The following TBC1D32 variants were observed in gnomAD, a reference collection of about 807,000 sequenced individuals.
TBC1D32 encodes TBC1 domain family member 32.
TBC1D32 carries 151 observed loss-of-function variants against 170.3 expected under a neutral mutation model. The ratio of observed to expected loss-of-function variants is 0.89; its 90% confidence interval spans 0.78 to 1.01. The LOEUF (loss-of-function observed/expected upper bound fraction) is 1.01. Ranked by LOEUF, TBC1D32 falls within the 50% of genes least tolerant of loss-of-function variation. The pLI is 0.00. For synonymous variants in TBC1D32, 498 were observed against 488.0 expected (o/e 1.02, Z -0.27); for missense variants, 1,464 against 1,457.1 (o/e 1.00, Z -0.08).
At position 121,183,771 on chromosome 6, in the gene TBC1D32, G is replaced by T. The variant is rs115517799; in HGVS notation, c.2570+21304C>A. ...GAACTGTATGTATACCCATTGGAAAGAAAAAAACATAGTACAAGACGTCAA... is the reference window on the plus strand; with the variant it reads ...GAACTGTATGTATACCCATTGGAAATAAAAAAACATAGTACAAGACGTCAA... On this transcript the variant is annotated intron_variant, in intron 22 of 31. Coordinates refer to ENST00000398212, the MANE Select transcript of TBC1D32 (RefSeq NM_152730.6). 7.6e-3 allele frequency among the ~76,000 whole-genome samples: 1,159 copies of T among 151,976 alleles called. 19 individuals are homozygous for T. The highest frequency in any genetic ancestry group is 0.027 in the African/African-American group (1,111 of 41,516).
chr6:121,139,080 T>C (rs1017567405), intron 24 of TBC1D32, among the ~76,000 whole-genome samples: 1 of 152,132 alleles, frequency 6.6e-6, no homozygotes, highest in Non-Finnish European at 1.5e-5. Flanking sequence ...TCTCCTGACC[T>C]TGTGGTCCGC....
At chr6:121,225,061 T>C (rs1437210736) in intron 20 of TBC1D32, among the ~76,000 whole-genome samples, 3 of 152,054 alleles carry the variant, frequency 2.0e-5, no homozygotes, top group South Asian at 2.1e-4. Flanking sequence ...GTATGCACTA[T>C]AGAAAAGGAA....
Position 121,145,844 on chromosome 6 carries a change from A to G in TBC1D32, c.2774-14092T>C, listed in dbSNP as rs540714085. On this transcript the variant is annotated intron_variant, in intron 24 of 31. Coordinates refer to ENST00000398212, the MANE Select transcript of TBC1D32 (RefSeq NM_152730.6). ...AGGAGATCTACCTGAATAGGATTCA[A>G]TAACAACCAGAAAAGGGTTAATGGA... Among the ~76,000 whole-genome samples the G allele has an allele frequency of 9.1e-4, 139 of 152,324 alleles. 1 individual carries two copies. In the South Asian group the frequency reaches 0.011, roughly 12 times the overall value.
chr6:121,234,585 C>G (rs188744108), intron 20 of TBC1D32, among the ~76,000 whole-genome samples: 1 of 152,010 alleles, frequency 6.6e-6, no homozygotes, highest in African/African-American at 2.4e-5. Flanking sequence ...AATTTGTGCT[C>G]TCTATTTCAC....
chr6:121,096,463 A>G (rs1191183668), intron 30 of TBC1D32, among the ~76,000 whole-genome samples: 2 of 152,130 alleles, frequency 1.3e-5, no homozygotes, highest in Non-Finnish European at 2.9e-5. Context: ...CAAAGAAAAT[A>G]AAATACCTAG....
intron 21 of TBC1D32, among the ~76,000 whole-genome samples, chr6:121,222,312 G>A (rs1037675836): frequency 3.3e-5 from 5 of 152,008 alleles, no homozygotes; most frequent in African/African-American, 1.2e-4. Context: ...TTATTGCGGT[G>A]GTATGGAACT....
intron 1 of TBC1D32, among the ~76,000 whole-genome samples, chr6:121,324,508 T>C (rs898304543): frequency 1.3e-5 from 2 of 152,092 alleles, no homozygotes; most frequent in African/African-American, 4.8e-5. Flanking sequence ...TAGATTGAAA[T>C]AGCAAACATT....
intron 14 of TBC1D32, among the ~76,000 whole-genome samples, chr6:121,280,615 C>T (rs1802851134): frequency 6.6e-6 from 1 of 151,616 alleles, no homozygotes; most frequent in East Asian, 1.9e-4. Flanking sequence ...TCATATGGAC[C>T]AAGCGTAAAA....
intron 21 of TBC1D32, among the ~76,000 whole-genome samples, chr6:121,219,678 A>G (rs1403354097): frequency 6.6e-6 from 1 of 152,246 alleles, no homozygotes; most frequent in Non-Finnish European, 1.5e-5. Flanking sequence ...GACTAACGAT[A>G]AAACTACAGG....
intron 22 of TBC1D32, among the ~76,000 whole-genome samples, chr6:121,168,444 C>T (rs1002287348): frequency 4.0e-5 from 4 of 99,954 alleles, no homozygotes; most frequent in Non-Finnish European, 6.2e-5. Flanking sequence ...CCATCATTCT[C>T]AGTAACCTAT....
At chr6:121,133,031 G>A (rs1026948903) in intron 24 of TBC1D32, among the ~76,000 whole-genome samples, 2 of 151,806 alleles carry the variant, frequency 1.3e-5, no homozygotes, top group Non-Finnish European at 2.9e-5. Flanking sequence ...AAGAGATTTT[G>A]ATAAAAAGAG....
intron 26 of TBC1D32, among the ~76,000 whole-genome samples, chr6:121,123,898 C>T (rs1231338166): frequency 6.6e-6 from 1 of 150,798 alleles, no homozygotes; most frequent in Non-Finnish European, 1.5e-5. Flanking sequence ...TACCATGAGG[C>T]TTACAAAGCC....
At chr6:121,304,335 T>C in intron 8 of TBC1D32, 30 bp downstream of exon 8, 4 of 1,609,238 alleles carry the variant, frequency 2.5e-6, no homozygotes, top group Non-Finnish European at 3.4e-6. Context: ...CGCTAGGTTT[T>C]ATGCTGGCAT....
intron 15 of TBC1D32, among the ~76,000 whole-genome samples, chr6:121,277,240 G>T (rs1802333377): frequency 6.6e-6 from 1 of 152,118 alleles, no homozygotes; most frequent in Non-Finnish European, 1.5e-5. Context: ...TATAATCCCA[G>T]TACTTTGGGG....
At position 121,079,683 on chromosome 6, in the gene TBC1D32, G is replaced by A. The variant is rs1377169882; in HGVS notation, c.*1088C>T. The A allele has an allele frequency of 6.6e-6, 1 of 152,064 alleles. No homozygotes were observed. The highest frequency in any genetic ancestry group is 1.5e-5 in the Non-Finnish European group (1 of 67,980). 9.4% of individuals were successfully genotyped at this position (152,064 alleles called of 1,614,324 possible). ...TATAAAAAATAGACATTCACATATT[G>A]TATTAATCTTACCGGTGCAGAGACA... is the stretch of plus-strand genomic sequence containing the variant. On this transcript the variant is annotated 3_prime_UTR_variant, in exon 32 of 32. Coordinates refer to ENST00000398212, the MANE Select transcript of TBC1D32 (RefSeq NM_152730.6).
chr6:121,118,547 T>G (rs1264046400), intron 26 of TBC1D32, among the ~76,000 whole-genome samples: 1 of 152,166 alleles, frequency 6.6e-6, no homozygotes, highest in Non-Finnish European at 1.5e-5. Context: ...ACAACAGCAG[T>G]AGAAGAAATT....
At chr6:121,307,934 GA>G (rs1563338568) in intron 5 of TBC1D32, 41 bp downstream of exon 5, 2 of 1,575,804 alleles carry the variant, frequency 1.3e-6, no homozygotes, top group East Asian at 4.5e-5. Flanking sequence ...AGAATGGTGG[GA>G]AAACAAATTA....
intron 1 of TBC1D32, among the ~76,000 whole-genome samples, chr6:121,322,883 T>C (rs1483673869): frequency 1.3e-5 from 2 of 152,214 alleles, no homozygotes; most frequent in Non-Finnish European, 2.9e-5. Flanking sequence ...TAATTCCTTG[T>C]TCATGTAATG....
chr6:121,205,014 C>A, intron 22 of TBC1D32, 61 bp downstream of exon 22: 1 of 994,470 alleles, frequency 1.0e-6, no homozygotes, highest in Non-Finnish European at 1.5e-6. Flanking sequence ...GTATACAGGA[C>A]AAATGCTTAT....
Sources: gnomAD v4.1 joint callset for allele counts (sites outside exome capture counted in the v4.1 genomes callset) on GRCh38, gnomAD v4.1.1 for gene constraint, MANE v1.5 for transcripts, NCBI Gene and HGNC (gene_info 2026-07-23, HGNC 2026-07-21) for gene names.